The following TMEM150C variants were observed in gnomAD, a reference collection of about 807,000 sequenced individuals.
TMEM150C encodes tentonin 3.
A neutral mutation model predicts 29.9 loss-of-function variants in TMEM150C; 10 were observed. The ratio of observed to expected loss-of-function variants is 0.33; its 90% CI spans 0.21 to 0.57. TMEM150C has a LOEUF of 0.57. Among genes scored for constraint, TMEM150C ranks in the 20% least tolerant of loss-of-function variants. The pLI, the probability that TMEM150C is intolerant of heterozygous loss-of-function variation, is 0.88. For synonymous variants in TMEM150C, 101 were observed against 112.5 expected (o/e 0.90, Z 0.64); for missense variants, 251 against 303.6 (o/e 0.83, Z 1.29).
At chr4:82,485,819 A>G (rs1723142281) in intron 7 of TMEM150C, 100 bp from the exon 8 acceptor site, 1 of 1,093,794 alleles carries the variant, frequency 9.1e-7, no homozygotes, top group Non-Finnish European at 1.3e-6. Flanking sequence ...GGCTTTCCTC[A>G]TCACTAGAAA....
At chr4:82,538,566 A>G (rs1381713611) in intron 1 of TMEM150C, among the ~76,000 whole-genome samples, 2 of 152,222 alleles carry the variant, frequency 1.3e-5, no homozygotes, top group African/African-American at 2.4e-5. Flanking sequence ...ATGTAATTAC[A>G]TATGATATAT....
At chr4:82,511,133 G>T (rs998472408) in intron 1 of TMEM150C, among the ~76,000 whole-genome samples, 2 of 152,118 alleles carry the variant, frequency 1.3e-5, no homozygotes, top group African/African-American at 2.4e-5. Context: ...AGGTGACCTG[G>T]TGTCACTTTA....
At position 82,485,487 on chromosome 4, in the gene TMEM150C, C is replaced by A. The variant is rs751721711; in HGVS notation, c.*24G>T. On this transcript the variant is annotated 3_prime_UTR_variant, in exon 8 of 8. Coordinates refer to ENST00000449862, the MANE Select transcript of TMEM150C (RefSeq NM_001080506.3). ...CCCTCCCCCACTGTCACACCCACCT[C>A]ACCAGCAAGGAAAAACTGATGGTTT... The A allele has an allele frequency of 1.3e-5, 21 of 1,567,288 alleles. No homozygotes were observed. In the South Asian group the frequency reaches 2.5e-4, roughly 18 times the overall value.
chr4:82,515,491 C>T (rs1379205159), intron 1 of TMEM150C, among the ~76,000 whole-genome samples: 1 of 152,070 alleles, frequency 6.6e-6, no homozygotes, highest in Non-Finnish European at 1.5e-5. Flanking sequence ...GTAATCCCAG[C>T]ACTTTGGGAG....
intron 1 of TMEM150C, among the ~76,000 whole-genome samples, chr4:82,519,198 T>C (rs1171737618): frequency 1.3e-5 from 2 of 152,208 alleles, no homozygotes; most frequent in African/African-American, 4.8e-5. Context: ...ACATTTATCA[T>C]GTCACCTTTT....
intron 1 of TMEM150C, among the ~76,000 whole-genome samples, chr4:82,524,931 G>A (rs900047169): frequency 2.0e-5 from 3 of 152,164 alleles, no homozygotes; most frequent in African/African-American, 4.8e-5. Flanking sequence ...ACAGAAACAC[G>A]GTGTGATTAC....
chr4:82,517,855 T>A (rs1724342315), intron 1 of TMEM150C, among the ~76,000 whole-genome samples: 1 of 152,236 alleles, frequency 6.6e-6, no homozygotes, highest in Non-Finnish European at 1.5e-5. Flanking sequence ...GTTCTGTTTC[T>A]CTGGAAAACT....
At position 82,489,062 on chromosome 4, in the gene TMEM150C, A is replaced by ATTTT. The variant is rs576894576; in HGVS notation, c.541+995_541+998dup. On this transcript the variant is annotated intron_variant, in intron 7 of 7. Coordinates refer to ENST00000449862, the MANE Select transcript of TMEM150C (RefSeq NM_001080506.3). ...GCCACAACACCCAGCGGATTTTTAG[A>ATTTT]TTTTTTTTTTTTTTTTTTTTGTAGA... Among the ~76,000 whole-genome samples, 17 of 126,072 alleles carry ATTTT rather than the reference A, an allele frequency of 1.3e-4. 2 individuals carry two copies. Among genetic ancestry groups the ATTTT allele is most frequent in the South Asian group, 7.8e-4 (3 of 3,828 alleles). 82.7% of individuals were successfully genotyped at this position (126,072 alleles called of 152,430 possible).
At chr4:82,516,134 A>G (rs1044521920) in intron 1 of TMEM150C, among the ~76,000 whole-genome samples, 11 of 152,312 alleles carry the variant, frequency 7.2e-5, no homozygotes, top group Admixed American at 5.2e-4. Context: ...ACAGGCCCAG[A>G]AAGTTCAAGA....
At chr4:82,489,557 G>C (rs1723266134) in intron 7 of TMEM150C, among the ~76,000 whole-genome samples, 1 of 152,062 alleles carries the variant, frequency 6.6e-6, no homozygotes. Context: ...AATATTGGAG[G>C]AAAACTACAC....
At chr4:82,518,899 C>T (rs972740107) in intron 1 of TMEM150C, among the ~76,000 whole-genome samples, 6 of 152,304 alleles carry the variant, frequency 3.9e-5, no homozygotes, top group African/African-American at 1.2e-4. Context: ...CTGTTCTCTT[C>T]CTTAGATAAC....
At chr4:82,545,812 C>A (rs1431674246) in intron 1 of TMEM150C, among the ~76,000 whole-genome samples, 1 of 152,082 alleles carries the variant, frequency 6.6e-6, no homozygotes, top group African/African-American at 2.4e-5. Flanking sequence ...CAGCTCCCAA[C>A]TACTCGGGAG....
At chr4:82,538,502 G>A (rs1725087953) in intron 1 of TMEM150C, among the ~76,000 whole-genome samples, 1 of 151,802 alleles carries the variant, frequency 6.6e-6, no homozygotes, top group South Asian at 2.1e-4. Flanking sequence ...ATAGGAAAAT[G>A]CTTATATATA....
chr4:82,507,185 G>A (rs1337693853), intron 1 of TMEM150C, among the ~76,000 whole-genome samples: 1 of 152,116 alleles, frequency 6.6e-6, no homozygotes, highest in Non-Finnish European at 1.5e-5. Flanking sequence ...ATGATCCAAA[G>A]TACTCAGAAT....
chr4:82,512,397 T>C (rs1287047737), intron 1 of TMEM150C, among the ~76,000 whole-genome samples: 3 of 152,214 alleles, frequency 2.0e-5, no homozygotes, highest in African/African-American at 7.2e-5. Context: ...TGTGAATAAA[T>C]TAAAAGTCAT....
intron 1 of TMEM150C, among the ~76,000 whole-genome samples, chr4:82,552,921 A>C (rs1301465124): frequency 6.6e-6 from 1 of 152,246 alleles, no homozygotes; most frequent in Non-Finnish European, 1.5e-5. Flanking sequence ...GCTGCATCTT[A>C]GGGCAGCACA....
chr4:82,538,958 T>C (rs576963687), intron 1 of TMEM150C, among the ~76,000 whole-genome samples: 9 of 151,970 alleles, frequency 5.9e-5, no homozygotes, highest in African/African-American at 2.2e-4. Context: ...TCCTAGCTAC[T>C]CAGGAGGCTA....
intron 1 of TMEM150C, among the ~76,000 whole-genome samples, chr4:82,557,394 T>G (rs1725767110): frequency 6.6e-6 from 1 of 152,184 alleles, no homozygotes; most frequent in Non-Finnish European, 1.5e-5. Flanking sequence ...GTCAGACTTT[T>G]CACAGGGTCT....
At chr4:82,527,921 G>A (rs1159074152) in intron 1 of TMEM150C, among the ~76,000 whole-genome samples, 11 of 149,856 alleles carry the variant, frequency 7.3e-5, no homozygotes, top group Non-Finnish European at 1.3e-4. Context: ...CCGAAGTCAG[G>A]TTCAAGCAAA....
Sources: gnomAD v4.1 joint callset for allele counts (sites outside exome capture counted in the v4.1 genomes callset) on GRCh38, gnomAD v4.1.1 for gene constraint, MANE v1.5 for transcripts, NCBI Gene and HGNC (gene_info 2026-07-23, HGNC 2026-07-21) for gene names.